The following MGLL variants were observed in gnomAD, a reference collection of about 807,000 sequenced individuals.
MGLL encodes monoglyceride lipase, also known as lysophospholipase homolog.
MGLL carries 7 observed loss-of-function variants against 29.1 expected under a neutral mutation model. The ratio of observed to expected loss-of-function variants is 0.24; its 90% CI spans 0.14 to 0.45. MGLL has a LOEUF of 0.45. Ranked by LOEUF, MGLL falls within the 20% of genes least tolerant of loss-of-function variation. The pLI, the probability that MGLL is intolerant of heterozygous loss-of-function variation, is 0.99. For synonymous variants in MGLL, 148 were observed against 168.3 expected, an observed-to-expected ratio of 0.88 and a Z score of 0.93; for missense variants, 356 against 413.6, an observed-to-expected ratio of 0.86 and a Z score of 1.21.
chr3:127,793,697 G>A (rs2077337834), intron 2 of MGLL, among the ~76,000 whole-genome samples: 1 of 152,214 alleles, frequency 6.6e-6, no homozygotes, highest in South Asian at 2.1e-4. Context: ...AAGTAGCTGG[G>A]ATTACAGGTG....
At chr3:127,737,139 A>G (rs540245876) in intron 3 of MGLL, among the ~76,000 whole-genome samples, 1 of 152,212 alleles carries the variant, frequency 6.6e-6, no homozygotes, top group South Asian at 2.1e-4. Flanking sequence ...CAGTGAGGAG[A>G]ATACAGGGCC....
At chr3:127,734,572 G>A (rs1195972696) in intron 3 of MGLL, among the ~76,000 whole-genome samples, 1 of 152,116 alleles carries the variant, frequency 6.6e-6, no homozygotes, top group Admixed American at 6.5e-5. Context: ...GGCTGCACAG[G>A]GGCCCTGCAG....
chr3:127,704,846 C>A (rs1476657265), intron 6 of MGLL, among the ~76,000 whole-genome samples: 1 of 152,066 alleles, frequency 6.6e-6, no homozygotes, highest in South Asian at 2.1e-4. Flanking sequence ...CCATTTGACC[C>A]AGCAATCCCT....
intron 2 of MGLL, among the ~76,000 whole-genome samples, chr3:127,802,259 A>C (rs1045075766): frequency 1.3e-5 from 2 of 152,118 alleles, no homozygotes; most frequent in Non-Finnish European, 2.9e-5. Flanking sequence ...TTGGTCTTGA[A>C]CTTCACTTAC....
intron 3 of MGLL, among the ~76,000 whole-genome samples, chr3:127,725,846 G>A (rs1034925287): frequency 6.6e-6 from 1 of 152,046 alleles, no homozygotes; most frequent in Admixed American, 6.6e-5. Flanking sequence ...TGGAAAGATC[G>A]CTTGAGGCCA....
intron 3 of MGLL, among the ~76,000 whole-genome samples, chr3:127,766,823 C>A (rs921330084): frequency 1.3e-5 from 2 of 152,170 alleles, no homozygotes; most frequent in Non-Finnish European, 2.9e-5. Context: ...GTAATCCCAG[C>A]ATTCTGGGAG....
intron 3 of MGLL, among the ~76,000 whole-genome samples, chr3:127,751,630 C>T (rs1397331134): frequency 1.3e-5 from 2 of 151,862 alleles, no homozygotes; most frequent in Non-Finnish European, 2.9e-5. Flanking sequence ...TGGCTTGAAG[C>T]ATCATGAGAT....
upstream of MGLL, chr3:127,822,937 G>GGACAC (rs1448705831): frequency 6.4e-6 from 1 of 155,194 alleles, no homozygotes; most frequent in Non-Finnish European, 1.4e-5. Flanking sequence ...GCGCACACTC[G>GGACAC]GACACGCGCG....
intron 3 of MGLL, among the ~76,000 whole-genome samples, chr3:127,744,440 T>G (rs2076403696): frequency 6.6e-6 from 1 of 152,244 alleles, no homozygotes; most frequent in African/African-American, 2.4e-5. Flanking sequence ...ACAGTGGCCA[T>G]TCTCCTGTTG....
Position 127,740,511 on chromosome 3 carries a change from T to C in MGLL, c.263-17945A>G, listed in dbSNP as rs114703522. Among the ~76,000 whole-genome samples, 667 of 152,328 alleles carry C rather than the reference T, an allele frequency of 4.4e-3. 7 individuals carry two copies. The highest frequency in any genetic ancestry group is 0.015 in the African/African-American group (628 of 41,564). ...TGCCGGGACCCAGGTCGCCGTTTGC[T>C]GGCCTCACCCTCCAGCTTAGAGAAT... is the stretch of plus-strand genomic sequence containing the variant. On this transcript the variant is annotated intron_variant, in intron 3 of 7. Coordinates refer to ENST00000265052, the MANE Select transcript of MGLL (RefSeq NM_007283.7).
intron 3 of MGLL, among the ~76,000 whole-genome samples, chr3:127,757,842 T>G (rs2076691507): frequency 6.6e-6 from 1 of 152,152 alleles, no homozygotes; most frequent in Admixed American, 6.5e-5. Flanking sequence ...GTAAACAGAT[T>G]GCTGATACAG....
chr3:127,749,664 A>C (rs1204603003), intron 3 of MGLL, among the ~76,000 whole-genome samples: 2 of 152,096 alleles, frequency 1.3e-5, no homozygotes, highest in Non-Finnish European at 2.9e-5. Context: ...GGCCTTATAC[A>C]CACCCCTCAT....
intron 6 of MGLL, among the ~76,000 whole-genome samples, chr3:127,705,270 A>C (rs926694494): frequency 6.6e-6 from 1 of 152,152 alleles, no homozygotes; most frequent in Non-Finnish European, 1.5e-5. Context: ...TAGCTAATGC[A>C]TGTGGGGCTT....
chr3:127,719,439 C>T (rs549599749), intron 5 of MGLL, among the ~76,000 whole-genome samples: 1 of 152,372 alleles, frequency 6.6e-6, no homozygotes, highest in Non-Finnish European at 1.5e-5. Flanking sequence ...CTTTCCTAAG[C>T]CCAGGTTTTC....
intron 3 of MGLL, among the ~76,000 whole-genome samples, chr3:127,767,830 G>A (rs918149901): frequency 6.6e-6 from 1 of 152,204 alleles, no homozygotes; most frequent in Non-Finnish European, 1.5e-5. Flanking sequence ...ATGTGGTGAG[G>A]CCATCAGTAA....
intron 2 of MGLL, among the ~76,000 whole-genome samples, chr3:127,809,244 G>C (rs1474001371): frequency 6.6e-6 from 1 of 152,120 alleles, no homozygotes; most frequent in East Asian, 1.9e-4. Context: ...AACGTCTTCT[G>C]TGTCTCATTA....
intron 2 of MGLL, among the ~76,000 whole-genome samples, chr3:127,820,190 C>T (rs1370305857): frequency 2.0e-5 from 3 of 152,190 alleles, no homozygotes; most frequent in African/African-American, 7.2e-5. Context: ...CACCACAAGG[C>T]GGACGCTGAC....
intron 3 of MGLL, among the ~76,000 whole-genome samples, chr3:127,779,463 G>A (rs922560125): frequency 3.3e-5 from 5 of 151,636 alleles, no homozygotes; most frequent in African/African-American, 1.2e-4. Context: ...AAACATTGGT[G>A]TACAGTAATA....
chr3:127,745,337 T>C (rs1188685804), intron 3 of MGLL, among the ~76,000 whole-genome samples: 1 of 152,198 alleles, frequency 6.6e-6, no homozygotes, highest in African/African-American at 2.4e-5. Context: ...GAAAATGTGG[T>C]GCATTTATAC....
Sources: gnomAD v4.1 joint callset for allele counts (sites outside exome capture counted in the v4.1 genomes callset) on GRCh38, gnomAD v4.1.1 for gene constraint, MANE v1.5 for transcripts, NCBI Gene and HGNC (gene_info 2026-07-23, HGNC 2026-07-21) for gene names.